Variants in PRDM11 observed in about 807,000 individuals in gnomAD.
PRDM11 encodes PR/SET domain 11.
Under a neutral mutation model 97.8 loss-of-function variants are expected in PRDM11, and 20 were observed. The ratio of observed to expected loss-of-function variants is 0.20; its 90% CI spans 0.14 to 0.30. The LOEUF (loss-of-function observed/expected upper bound fraction) is 0.30. Ranked by LOEUF, PRDM11 falls within the 10% of genes least tolerant of loss-of-function variation. The probability of loss-of-function intolerance (pLI) is 1.00; values close to 1 mark genes in which losing one functional copy is unlikely to be tolerated. For missense variants in PRDM11, 1,139 were observed against 1,555.2 expected, an observed-to-expected ratio of 0.73 and a Z score of 4.50; for synonymous variants, 599 against 637.7, an observed-to-expected ratio of 0.94 and a Z score of 0.91.
At chr11:45,120,694 T>C (rs1360252544) in intron 1 of PRDM11, among the ~76,000 whole-genome samples, 1 of 150,648 alleles carries the variant, frequency 6.6e-6, no homozygotes, top group Non-Finnish European at 1.5e-5. Context: ...AAAGAGAGTC[T>C]GTCCTTCATG....
intron 5 of PRDM11, chr11:45,212,813 G>A (rs1394927713): frequency 4.4e-6 from 2 of 455,034 alleles, no homozygotes; most frequent in Admixed American, 2.4e-5. Context: ...GCACGTCATC[G>A]GCCAGGCCAT....
intron 1 of PRDM11, among the ~76,000 whole-genome samples, chr11:45,147,179 C>G (rs1195271245): frequency 6.6e-6 from 1 of 151,794 alleles, no homozygotes; most frequent in African/African-American, 2.4e-5. Context: ...CGCCTTGTTA[C>G]AATGTAGCCT....
chr11:45,102,649 C>G lies in PRDM11; in HGVS notation c.96+6748C>G, dbSNP rs139250393. On this transcript the variant is annotated intron_variant, in intron 1 of 6. Coordinates refer to the PRDM11 transcript ENST00000530656. ...CCCCCCTTGCACCGTGCCACAGCCTCCTTCCCCCCTGCCATCCCAGTCCAT... is the reference window on the plus strand; with the variant it reads ...CCCCCCTTGCACCGTGCCACAGCCTGCTTCCCCCCTGCCATCCCAGTCCAT... Among the ~76,000 whole-genome samples the G allele has an allele frequency of 4.1e-3, 625 of 152,278 alleles. 7 individuals carry two copies. Among genetic ancestry groups the G allele is most frequent in the African/African-American group, 0.014 (598 of 41,562 alleles).
In PRDM11 at chr11:45,227,774, C is replaced by T. The variant is rs1449217392; in HGVS notation, c.3149C>T (p.Thr1050Ile). Reference sequence around the variant, plus strand: ...CGAGAACTCAAGGCTGATTACTACACCAAAAATGGCTTCAAAGACCTGATC... The same window carrying T: ...CGAGAACTCAAGGCTGATTACTACATCAAAAATGGCTTCAAAGACCTGATC... ...EWRELKADYY[T>I]KNGFKDLISH... The change falls in exon 8 of 8, where the codon ACC (threonine) becomes ATC (isoleucine). Residue 1050 changes from threonine (T) to isoleucine (I), a missense_variant. Thr to Ile is a moderately conservative substitution (Grantham distance 89). Around this residue, in one of 2 missense-constraint regions of PRDM11, gnomAD observed 710 missense variants for 1,044.9 expected, o/e 0.68. Transcript: ENST00000683152. This position sits in a 1 kb window ranked among gnomAD's most constrained non-coding sequence, Gnocchi z 8.0. The T allele has an allele frequency of 1.3e-6, 2 of 1,533,918 alleles. No individual in the cohort carries two copies. The highest frequency in any genetic ancestry group is 1.7e-6 in the Non-Finnish European group (2 of 1,146,728).
At chr11:45,206,111 C>T (rs1039628272) in intron 5 of PRDM11, among the ~76,000 whole-genome samples, 1 of 152,212 alleles carries the variant, frequency 6.6e-6, no homozygotes, top group Non-Finnish European at 1.5e-5. Context: ...TGAGCACTTA[C>T]AGTTCATCAC....
At chr11:45,123,272 A>AT in intron 1 of PRDM11, among the ~76,000 whole-genome samples, 1 of 151,826 alleles carries the variant, frequency 6.6e-6, no homozygotes, top group African/African-American at 2.4e-5. Flanking sequence ...GATTGCAAAA[A>AT]TTTTCTCCCA....
At chr11:45,188,883 A>G (rs1460853472) in intron 4 of PRDM11, among the ~76,000 whole-genome samples, 1 of 152,066 alleles carries the variant, frequency 6.6e-6, no homozygotes, top group African/African-American at 2.4e-5. Context: ...GGAAGCCAAC[A>G]TGGGATTTTT....
intron 4 of PRDM11, among the ~76,000 whole-genome samples, chr11:45,202,791 T>G (rs1008840864): frequency 7.2e-5 from 11 of 152,238 alleles, no homozygotes; most frequent in Admixed American, 3.3e-4. Flanking sequence ...TTTTCTTGGC[T>G]TTAGCTGATG....
At chr11:45,132,972 C>T (rs967409842) in intron 1 of PRDM11, among the ~76,000 whole-genome samples, 9 of 152,206 alleles carry the variant, frequency 5.9e-5, no homozygotes, top group African/African-American at 2.2e-4. Context: ...ATGTGCCACA[C>T]ATACCCCATC....
chr11:45,190,470 T>C (rs1206097895), intron 4 of PRDM11, among the ~76,000 whole-genome samples: 2 of 151,608 alleles, frequency 1.3e-5, no homozygotes, highest in African/African-American at 4.8e-5. Context: ...TTTTTTTTTT[T>C]CTGAACTGTT....
At chr11:45,193,697 G>A (rs867761923) in intron 4 of PRDM11, among the ~76,000 whole-genome samples, 20 of 151,992 alleles carry the variant, frequency 1.3e-4, no homozygotes, top group South Asian at 2.1e-4. Context: ...TGGTGGGCTG[G>A]AATTAGCCCA....
chr11:45,152,002 C>T (rs948508747), intron 1 of PRDM11, among the ~76,000 whole-genome samples: 1 of 152,186 alleles, frequency 6.6e-6, no homozygotes, highest in Non-Finnish European at 1.5e-5. Context: ...CCCCAGTTAT[C>T]TCCATGGCAT....
chr11:45,182,114 A>C, intron 2 of PRDM11, 132 bp from the exon 3 acceptor site: 2 of 802,702 alleles, frequency 2.5e-6, no homozygotes, highest in Non-Finnish European at 2.0e-6. Context: ...ACTGAACAGC[A>C]GGCTGGCTGG....
At chr11:45,213,560 G>A (rs184159052) in intron 5 of PRDM11, 22 of 456,522 alleles carry the variant, frequency 4.8e-5, no homozygotes, top group African/African-American at 2.6e-4. Context: ...GCCCTTGTGC[G>A]CGTGCTCAGC....
chr11:45,106,401 C>T (rs1481487638), intron 1 of PRDM11, among the ~76,000 whole-genome samples: 1 of 152,156 alleles, frequency 6.6e-6, no homozygotes, highest in Non-Finnish European at 1.5e-5. Flanking sequence ...CCTTTATAGG[C>T]TGGGGTGATT....
intron 1 of PRDM11, among the ~76,000 whole-genome samples, chr11:45,176,514 G>C (rs528720454): frequency 6.6e-6 from 1 of 152,014 alleles, no homozygotes; most frequent in Non-Finnish European, 1.5e-5. Flanking sequence ...CTATGAGATA[G>C]GTTCTGATAT....
At chr11:45,148,019 A>G (rs1851565565) in intron 1 of PRDM11, among the ~76,000 whole-genome samples, 1 of 152,074 alleles carries the variant, frequency 6.6e-6, no homozygotes, top group Admixed American at 6.5e-5. Flanking sequence ...CCTTGCCCAC[A>G]TTTCCTCTTG....
intron 1 of PRDM11, among the ~76,000 whole-genome samples, chr11:45,134,756 C>T (rs573820225): frequency 9.8e-5 from 10 of 101,760 alleles, no homozygotes; most frequent in East Asian, 8.9e-4. Context: ...TAATTAGCCA[C>T]ACATTTTTTT....
At chr11:45,202,316 A>C (rs1004657301) in intron 4 of PRDM11, among the ~76,000 whole-genome samples, 3 of 152,204 alleles carry the variant, frequency 2.0e-5, no homozygotes, top group Non-Finnish European at 4.4e-5. Flanking sequence ...ATAGATATCA[A>C]CAAAATGCTC....
Sources: gnomAD v4.1 joint callset for allele counts (sites outside exome capture counted in the v4.1 genomes callset) on GRCh38, gnomAD v4.1.1 for gene constraint, gnomAD v4.1.1 regional missense constraint, Gnocchi (gnomAD v3.1) non-coding constraint, MANE v1.5 for transcripts, NCBI Gene and HGNC (gene_info 2026-07-23, HGNC 2026-07-21) for gene names.